The following FMN1 variants were observed in gnomAD, a reference collection of about 807,000 sequenced individuals.
FMN1 encodes formin 1.
FMN1 carries 110 observed loss-of-function variants against 132.4 expected under a neutral mutation model. The ratio of observed to expected loss-of-function variants is 0.83; its 90% CI spans 0.71 to 0.97. The LOEUF (loss-of-function observed/expected upper bound fraction) is 0.97, where lower values mean the gene tolerates loss of function less well. FMN1 is among the 50% of genes least tolerant of loss of function. The probability of loss-of-function intolerance (pLI) is 0.00; values close to 1 mark genes in which losing one functional copy is unlikely to be tolerated. For missense variants in FMN1, 1,792 were observed against 1,705.3 expected (o/e 1.05, Z -0.90); for synonymous variants, 722 against 651.7 (o/e 1.11, Z -1.64).
intron 6 of FMN1, among the ~76,000 whole-genome samples, chr15:33,017,691 C>T (rs2140995676): frequency 6.6e-6 from 1 of 152,260 alleles, no homozygotes; most frequent in Non-Finnish European, 1.5e-5. Flanking sequence ...ATGTCAGTAT[C>T]AAAAGATGGG....
At chr15:32,823,449 C>T (rs1334756803) in intron 17 of FMN1, among the ~76,000 whole-genome samples, 1 of 152,070 alleles carries the variant, frequency 6.6e-6, no homozygotes, top group Admixed American at 6.5e-5. Flanking sequence ...CAGGTGTGAG[C>T]CACTGCGCCC....
chr15:32,900,132 T>C lies in FMN1; in HGVS notation c.3508-7A>G. On this transcript the variant is annotated splice_polypyrimidine_tract_variant and splice_region_variant and intron_variant, in intron 13 of 20. Transcript: ENST00000616417. ...TCTTCACGTGCAGCAAGTCCTGTGA[T>C]GGCAAACACCAGTTATTACGGAGCT... The C allele has an allele frequency of 1.2e-6, 2 of 1,613,622 alleles. No homozygotes were observed. Among genetic ancestry groups the C allele is most frequent in the Non-Finnish European group, 1.7e-6 (2 of 1,179,846 alleles).
At chr15:32,918,729 C>T (rs2060745477) in intron 10 of FMN1, among the ~76,000 whole-genome samples, 1 of 152,186 alleles carries the variant, frequency 6.6e-6, no homozygotes, top group Non-Finnish European at 1.5e-5. Context: ...GGTTAAGCTG[C>T]TTCTGTTCGT....
rs57544320 is a variant in FMN1, at chr15:32,931,221, T to G, written c.3139-4960A>C. On this transcript the variant is annotated intron_variant, in intron 9 of 20. Transcript: ENST00000616417. ...TTTTAGGATTGTTTTTTCCTATTTC[T>G]GCAAAGCAGCCACTGGGATTTTAAG... Among the ~76,000 whole-genome samples, 985 of 152,326 alleles carry G rather than the reference T, an allele frequency of 6.5e-3. 9 individuals are homozygous for G. Among genetic ancestry groups the G allele is most frequent in the African/African-American group, 0.022 (935 of 41,578 alleles).
chr15:33,150,848 G>C, intron 4 of FMN1: 1 of 989,408 alleles, frequency 1.0e-6, no homozygotes, highest in East Asian at 1.1e-4. Flanking sequence ...GCTAACCTGG[G>C]AGAAAGGTGG....
chr15:32,910,443 A>T (rs752173937), intron 11 of FMN1, 31 bp downstream of exon 11: 1 of 1,514,892 alleles, frequency 6.6e-7, no homozygotes, highest in South Asian at 1.2e-5. Context: ...TAAATATGGA[A>T]ATACTAGCTC....
chr15:32,892,997 C>A (rs545538960), intron 15 of FMN1, among the ~76,000 whole-genome samples: 1 of 152,178 alleles, frequency 6.6e-6, no homozygotes, highest in Non-Finnish European at 1.5e-5. Context: ...GGCACTACTA[C>A]AGAGGGCTTG....
chr15:33,023,075 AAAG>A lies in FMN1; in HGVS notation c.2162-15003_2162-15001del, dbSNP rs1323965008. ...TCCCCCACCCAAAAAAAAAAAAAAAAAAGAAAAAAAAGACCAAACCTCAAATCC... is the reference window on the plus strand; with the variant it reads ...TCCCCCACCCAAAAAAAAAAAAAAAAAAAAAAAAGACCAAACCTCAAATCC... On this transcript the variant is annotated intron_variant, in intron 6 of 20. Coordinates refer to ENST00000616417, the MANE Select transcript of FMN1 (RefSeq NM_001277313.2). 3.6e-4 allele frequency among the ~76,000 whole-genome samples: 11 copies of A among 30,504 alleles called. 1 individual carries two copies. Among genetic ancestry groups the A allele is most frequent in the Admixed American group, 7.6e-4 (2 of 2,634 alleles). The allele number at this position is 30,504 out of a possible 152,430, so 20.0% of individuals were successfully genotyped here.
intron 4 of FMN1, among the ~76,000 whole-genome samples, chr15:33,138,542 C>T (rs968547817): frequency 6.6e-6 from 1 of 152,010 alleles, no homozygotes; most frequent in African/African-American, 2.4e-5. Context: ...CATACAGAGG[C>T]TTGAATTATC....
intron 6 of FMN1, among the ~76,000 whole-genome samples, chr15:33,037,532 C>T (rs1294421341): frequency 6.6e-6 from 1 of 152,114 alleles, no homozygotes; most frequent in Non-Finnish European, 1.5e-5. Flanking sequence ...CCTTTGTAAC[C>T]TTAGGCTCTG....
intron 6 of FMN1, among the ~76,000 whole-genome samples, chr15:33,015,880 G>A (rs345827): frequency 0.61 from 93,085 of 152,038 alleles, 29,467 homozygotes; most frequent in Middle Eastern, 0.74. Flanking sequence ...CATAAAACCC[G>A]TGATTTCACT....
intron 4 of FMN1, among the ~76,000 whole-genome samples, chr15:33,149,517 A>G (rs541599721): frequency 6.6e-6 from 1 of 152,324 alleles, no homozygotes; most frequent in African/African-American, 2.4e-5. Context: ...ATTGGTACAT[A>G]TATTTATGTA....
intron 4 of FMN1, among the ~76,000 whole-genome samples, chr15:33,106,777 C>A (rs2039504234): frequency 6.6e-6 from 1 of 152,036 alleles, no homozygotes; most frequent in Non-Finnish European, 1.5e-5. Context: ...ATAGTAGCAT[C>A]CCCTCCCCAA....
intron 6 of FMN1, among the ~76,000 whole-genome samples, chr15:33,044,740 G>C (rs531305468): frequency 6.6e-6 from 1 of 152,212 alleles, no homozygotes; most frequent in East Asian, 1.9e-4. Flanking sequence ...ACACACCCAA[G>C]GGTCTTCTCT....
intron 7 of FMN1, among the ~76,000 whole-genome samples, chr15:32,985,138 C>T (rs2032985049): frequency 1.3e-5 from 2 of 152,248 alleles, no homozygotes; most frequent in East Asian, 3.9e-4. Flanking sequence ...TGTGTAATTT[C>T]TCCAAAGGCT....
chr15:32,975,815 G>T (rs1161254554), intron 7 of FMN1, among the ~76,000 whole-genome samples: 2 of 152,064 alleles, frequency 1.3e-5, no homozygotes, highest in Non-Finnish European at 2.9e-5. Flanking sequence ...TTAGGAATTG[G>T]ACTCTAGCAA....
At chr15:32,861,651 T>G (rs898463594) in intron 16 of FMN1, among the ~76,000 whole-genome samples, 2 of 152,182 alleles carry the variant, frequency 1.3e-5, no homozygotes, top group African/African-American at 2.4e-5. Context: ...CATGTCAAGG[T>G]CAGAACAGCA....
chr15:32,889,355 G>A (rs1158909516), intron 15 of FMN1, among the ~76,000 whole-genome samples: 2 of 152,084 alleles, frequency 1.3e-5, no homozygotes, highest in Non-Finnish European at 2.9e-5. Flanking sequence ...GCATGTCTTA[G>A]GCCGTCTTCA....
In FMN1 at chr15:33,088,794, C is replaced by T; in HGVS notation, c.2043+5G>A. 6.5e-7 allele frequency: 1 copy of T among 1,534,156 alleles called. No individual in the cohort carries two copies. The highest frequency in any genetic ancestry group is 8.7e-7 in the Non-Finnish European group (1 of 1,145,964). On this transcript the variant is annotated splice_donor_5th_base_variant and intron_variant, in intron 5 of 20. Coordinates refer to ENST00000616417, the MANE Select transcript of FMN1 (RefSeq NM_001277313.2). ...CACAGCACAATCACCAAGATTTCTA[C>T]TTACATGGAGATCCAAGTACAATTC...
Sources: gnomAD v4.1 joint callset for allele counts (sites outside exome capture counted in the v4.1 genomes callset) on GRCh38, gnomAD v4.1.1 for gene constraint, MANE v1.5 for transcripts, NCBI Gene and HGNC (gene_info 2026-07-23, HGNC 2026-07-21) for gene names.